Variants in XRCC6 observed in about 807,000 individuals in gnomAD.
XRCC6 encodes X-ray repair cross complementing 6.
In XRCC6, 5 loss-of-function variants were observed where a neutral mutation model predicts 65.7. That is an observed-to-expected ratio of 0.08 (90% CI 0.04 to 0.16). The LOEUF (loss-of-function observed/expected upper bound fraction) is 0.16. Among genes scored for constraint, XRCC6 ranks in the 10% least tolerant of loss-of-function variants. The pLI, the probability that XRCC6 is intolerant of heterozygous loss-of-function variation, is 1.00. For missense variants in XRCC6, 447 were observed against 738.1 expected (o/e 0.61, Z 4.57); for synonymous variants, 270 against 270.6 (o/e 1.00, Z 0.02).
chr22:41,625,676 A>G (rs67901137), intron 2 of XRCC6, among the ~76,000 whole-genome samples: 6,120 of 151,962 alleles, frequency 0.04, 266 homozygotes, highest in African/African-American at 0.093. Context: ...AAAGAGGTCA[A>G]TCGGCAGGCC....
intron 3 of XRCC6, among the ~76,000 whole-genome samples, chr22:41,630,940 C>T (rs1201095531): frequency 6.6e-6 from 1 of 152,356 alleles, no homozygotes; most frequent in Admixed American, 6.5e-5. Flanking sequence ...CACAAAACCA[C>T]CATTGTCATC....
chr22:41,623,755 C>T (rs190492390), intron 2 of XRCC6, among the ~76,000 whole-genome samples: 17 of 151,902 alleles, frequency 1.1e-4, no homozygotes, highest in Admixed American at 6.6e-4. Flanking sequence ...GAGTCTTGCT[C>T]TGTCGCCCAG....
At chr22:41,657,908 C>T (rs1403775245) in intron 10 of XRCC6, among the ~76,000 whole-genome samples, 1 of 151,966 alleles carries the variant, frequency 6.6e-6, no homozygotes, top group African/African-American at 2.4e-5. Context: ...ACTGCAGCCT[C>T]GATCTCCTGG....
intron 6 of XRCC6, among the ~76,000 whole-genome samples, chr22:41,645,850 G>A (rs748739277): frequency 3.3e-5 from 5 of 151,582 alleles, no homozygotes; most frequent in Admixed American, 1.3e-4. Flanking sequence ...CTGTGCGTGC[G>A]CCACCATGCC....
intron 10 of XRCC6, among the ~76,000 whole-genome samples, 180 bp from the exon 11 acceptor site, chr22:41,658,072 C>G (rs531230472): frequency 3.6e-4 from 55 of 152,270 alleles, no homozygotes; most frequent in Non-Finnish European, 6.5e-4. Flanking sequence ...ATTCCGCCTA[C>G]CTTGGCCTAC....
chr22:41,663,593 A>T, intron 12 of XRCC6, 29 bp from the exon 13 acceptor site: 1 of 1,589,928 alleles, frequency 6.3e-7, no homozygotes. Flanking sequence ...TAGCATTTCC[A>T]GTCACTCTCT....
intron 2 of XRCC6, among the ~76,000 whole-genome samples, chr22:41,627,351 C>T (rs1021831886): frequency 1.3e-4 from 20 of 152,026 alleles, no homozygotes; most frequent in African/African-American, 4.6e-4. Flanking sequence ...TGGCTCACGT[C>T]TATAATCCTA....
chr22:41,622,551 TAACACATAAA>T, intron 2 of XRCC6, among the ~76,000 whole-genome samples: 1 of 152,212 alleles, frequency 6.6e-6, no homozygotes, highest in African/African-American at 2.4e-5. Context: ...GGCAACACAG[TAACACATAAA>T]ACAAAGGAAG....
chr22:41,638,804 A>G lies in XRCC6; in HGVS notation c.773+1013A>G, dbSNP rs182185368. ...AAAAAAAAAAAAAAAAAAAAGAAAT[A>G]TGGTATAAAGATAAATGGTATACCT... On this transcript the variant is annotated intron_variant, in intron 6 of 12. Transcript: ENST00000360079. 1.4e-3 allele frequency among the ~76,000 whole-genome samples: 214 copies of G among 149,754 alleles called. 1 individual carries two copies. Among genetic ancestry groups the G allele is most frequent in the Admixed American group, 3.8e-3 (57 of 15,024 alleles).
intron 6 of XRCC6, among the ~76,000 whole-genome samples, chr22:41,640,726 T>C (rs192855662): frequency 1.2e-4 from 19 of 152,324 alleles, no homozygotes; most frequent in Non-Finnish European, 2.1e-4. Context: ...CTATTTTTCT[T>C]TCCTCAGACA....
chr22:41,650,700 T>C, intron 7 of XRCC6, 23 bp from the exon 8 acceptor site: 1 of 1,608,966 alleles, frequency 6.2e-7, no homozygotes, highest in Non-Finnish European at 8.5e-7. Context: ...TCCCATTTGA[T>C]CCTTGTCGTT....
At chr22:41,655,286 T>C (rs1026670401) in intron 9 of XRCC6, among the ~76,000 whole-genome samples, 1 of 151,538 alleles carries the variant, frequency 6.6e-6, no homozygotes, top group African/African-American at 2.4e-5. Context: ...TAAGAAGGAA[T>C]CTTCGAACCA....
chr22:41,646,131 G>A (rs556684641), intron 6 of XRCC6, among the ~76,000 whole-genome samples: 3 of 152,018 alleles, frequency 2.0e-5, no homozygotes, highest in African/African-American at 7.2e-5. Context: ...GTGAAACACC[G>A]TCTCTACTAA....
At chr22:41,622,977 C>T (rs949481827) in intron 2 of XRCC6, among the ~76,000 whole-genome samples, 1 of 151,490 alleles carries the variant, frequency 6.6e-6, no homozygotes, top group African/African-American at 2.4e-5. Flanking sequence ...ATAGGAAATA[C>T]AAAAAAGAAA....
intron 11 of XRCC6, among the ~76,000 whole-genome samples, chr22:41,659,634 T>C (rs2068081613): frequency 6.7e-6 from 1 of 150,034 alleles, no homozygotes; most frequent in African/African-American, 2.5e-5. Context: ...GCCACCATGC[T>C]CACTACTTTT....
intron 7 of XRCC6, among the ~76,000 whole-genome samples, chr22:41,649,889 G>T (rs2067978674): frequency 6.6e-6 from 1 of 151,776 alleles, no homozygotes; most frequent in African/African-American, 2.4e-5. Flanking sequence ...GGTTTGGGCT[G>T]GGCACAGTGG....
At chr22:41,644,438 A>G (rs1044226842) in intron 6 of XRCC6, among the ~76,000 whole-genome samples, 8 of 152,200 alleles carry the variant, frequency 5.3e-5, no homozygotes, top group Admixed American at 2.0e-4. Context: ...TAATATAAGA[A>G]TTTTTTGCAT....
intron 6 of XRCC6, 48 bp from the exon 7 acceptor site, chr22:41,646,848 A>C (rs1241219117): frequency 6.7e-7 from 1 of 1,500,144 alleles, no homozygotes; most frequent in African/African-American, 1.4e-5. Context: ...TTTTAGATAG[A>C]AAAGTGCAGT....
chr22:41,625,334 A>C (rs2067658294), intron 2 of XRCC6, among the ~76,000 whole-genome samples: 1 of 152,152 alleles, frequency 6.6e-6, no homozygotes, highest in Non-Finnish European at 1.5e-5. Flanking sequence ...AAACTTATTA[A>C]GAAGCAGCAG....
Sources: allele counts gnomAD v4.1 joint callset (sites outside exome capture counted in the v4.1 genomes callset), GRCh38; gene constraint gnomAD v4.1.1; transcripts MANE v1.5; gene names NCBI Gene and HGNC (gene_info 2026-07-23, HGNC 2026-07-21).